The following ALDH6A1 variants were observed in gnomAD, a reference collection of about 807,000 sequenced individuals.
The protein encoded by ALDH6A1 is methylmalonate-semialdehyde/malonate-semialdehyde dehydrogenase [acylating], mitochondrial.
A neutral mutation model predicts 62.6 loss-of-function variants in ALDH6A1; 43 were observed. The ratio of observed to expected loss-of-function variants is 0.69; its 90% CI spans 0.54 to 0.89. The LOEUF (loss-of-function observed/expected upper bound fraction) is 0.89. Ranked by LOEUF, ALDH6A1 falls within the 40% of genes least tolerant of loss-of-function variation. The pLI, the probability that ALDH6A1 is intolerant of heterozygous loss-of-function variation, is 0.00. For synonymous variants in ALDH6A1, 194 were observed against 234.2 expected (o/e 0.83, Z 1.57); for missense variants, 551 against 661.3 (o/e 0.83, Z 1.83).
At position 74,057,395 on chromosome 14, in the gene ALDH6A1, G is replaced by A; in HGVS notation, c.*3247C>T. 6.5e-7 allele frequency: 1 copy of A among 1,537,336 alleles called. No individual in the cohort carries two copies. The highest frequency in any genetic ancestry group is 1.2e-5 in the South Asian group (1 of 83,310). ...GTGGAATGAGTAATAAATAGCATTA[G>A]TAGATTACATAAATTTTTAAAGCAA... On this transcript the variant is annotated 3_prime_UTR_variant, in exon 12 of 12. Transcript: ENST00000553458.
chr14:74,060,615 T>C lies in ALDH6A1; in HGVS notation c.*27A>G. On this transcript the variant is annotated 3_prime_UTR_variant, in exon 12 of 12. Transcript: ENST00000553458. Reference sequence around the variant, plus strand: ...AAAAATAAAGGGAGATTACTCAGGATGGAGTCAGTCTTAAACAAACTTGTT... The same window carrying C: ...AAAAATAAAGGGAGATTACTCAGGACGGAGTCAGTCTTAAACAAACTTGTT... 6.8e-7 allele frequency: 1 copy of C among 1,464,932 alleles called. No individual in the cohort carries two copies. Among genetic ancestry groups the C allele is most frequent in the Non-Finnish European group, 9.6e-7 (1 of 1,044,104 alleles). The allele number at this position is 1,464,932 out of a possible 1,614,324, so 90.7% of individuals were successfully genotyped here.
intron 1 of ALDH6A1, among the ~76,000 whole-genome samples, chr14:74,083,021 C>T (rs1345699008): frequency 6.6e-6 from 1 of 152,106 alleles, no homozygotes; most frequent in African/African-American, 2.4e-5. Context: ...ACTTTGTTTT[C>T]CTGCTACTAA....
chr14:74,075,087 ACTATAT>A, intron 1 of ALDH6A1, 70 bp from the exon 2 acceptor site: 1 of 1,380,226 alleles, frequency 7.2e-7, no homozygotes, highest in Non-Finnish European at 1.0e-6. Context: ...GCAAATAGCT[ACTATAT>A]GCTATTTGCT....
At chr14:74,074,288 ATTTTTT>A (rs35478388) in intron 2 of ALDH6A1, among the ~76,000 whole-genome samples, 3 of 130,184 alleles carry the variant, frequency 2.3e-5, no homozygotes, top group Non-Finnish European at 4.9e-5. Flanking sequence ...CTTTCACTAA[ATTTTTT>A]TTTTTTTTTT....
chr14:74,073,248 C>T (rs2060574272), intron 2 of ALDH6A1, among the ~76,000 whole-genome samples: 1 of 152,084 alleles, frequency 6.6e-6, no homozygotes, highest in African/African-American at 2.4e-5. Flanking sequence ...GGACTACAGG[C>T]ACATGCTACC....
chr14:74,070,666 C>A, intron 6 of ALDH6A1: 1 of 130,448 alleles, frequency 7.7e-6, no homozygotes, highest in Admixed American at 7.3e-5. Context: ...CACATCCTGG[C>A]TTTTTCTAGC....
chr14:74,063,660 A>G (rs1268929205), intron 11 of ALDH6A1, among the ~76,000 whole-genome samples: 1 of 151,094 alleles, frequency 6.6e-6, no homozygotes, highest in Non-Finnish European at 1.5e-5. Context: ...GAGGTCAGGA[A>G]TTCGAGACCA....
intron 4 of ALDH6A1, 61 bp from the exon 5 acceptor site, chr14:74,072,035 G>A: frequency 6.3e-7 from 1 of 1,586,914 alleles, no homozygotes; most frequent in Middle Eastern, 1.7e-4. Flanking sequence ...AAATTCTGAG[G>A]TAGCAAAGGA....
Position 74,071,913 on chromosome 14 carries a change from T to G in ALDH6A1, c.410A>C (p.Asp137Ala), listed in dbSNP as rs761301246. ...QGKTLADAEG[D>A]VFRGLQVVEH... ...CAGCTTACGAAGGCCTCGAAATACA[T>G]CTCCTTCAGCATCAGCTAGGGTCTT... The change falls in exon 5 of 12, where the codon GAT becomes GCT. Residue 137 changes from aspartate to alanine, a missense_variant. Transcript: ENST00000553458. 12 of 1,614,168 alleles carry G rather than the reference T, an allele frequency of 7.4e-6. No individual in the cohort carries two copies. Among genetic ancestry groups the G allele is most frequent in the Middle Eastern group, 1.6e-4 (1 of 6,062 alleles).
intron 6 of ALDH6A1, among the ~76,000 whole-genome samples, chr14:74,069,845 C>T (rs2060524537): frequency 1.4e-5 from 2 of 146,176 alleles, no homozygotes. Context: ...TACTTCTAAT[C>T]TAACCTTTTT....
Position 74,060,696 on chromosome 14 carries a change from T to C in ALDH6A1, c.1554A>G (p.Glu518=). ...QLKTITSQWK[E]EDATLSSPAV... is the part of the protein sequence containing the mutation. ...CAGGTGAGGAAAGAGTAGCATCTTCTTCTTTCCACTGAGAAGTAATGGTCT... is the reference window on the plus strand; with the variant it reads ...CAGGTGAGGAAAGAGTAGCATCTTCCTCTTTCCACTGAGAAGTAATGGTCT... Residue 518 remains glutamate, a synonymous_variant, in exon 12 of 12, where the codon GAA becomes GAG. Coordinates refer to ENST00000553458, the MANE Select transcript of ALDH6A1 (RefSeq NM_005589.4). 1 of 1,614,044 alleles carries C rather than the reference T, an allele frequency of 6.2e-7. No homozygotes were observed. The highest frequency in any genetic ancestry group is 8.5e-7 in the Non-Finnish European group (1 of 1,179,904).
chr14:74,077,788 G>A (rs528684860), intron 1 of ALDH6A1, among the ~76,000 whole-genome samples: 18 of 152,212 alleles, frequency 1.2e-4, no homozygotes, highest in African/African-American at 4.1e-4. Flanking sequence ...CAGCACCTGG[G>A]TACTTATCTG....
chr14:74,081,380 T>G (rs1246541765), intron 1 of ALDH6A1: 2 of 152,216 alleles, frequency 1.3e-5, no homozygotes, highest in African/African-American at 4.8e-5. Context: ...AATGCACTGA[T>G]CAGCCAACTT....
At position 74,066,713 on chromosome 14, in the gene ALDH6A1, T is replaced by C. The variant is rs1305971217; in HGVS notation, c.1216A>G (p.Asn406Asp). 1 of 1,614,134 alleles carries C rather than the reference T, an allele frequency of 6.2e-7. No homozygotes were observed. The highest frequency in any genetic ancestry group is 8.5e-7 in the Non-Finnish European group (1 of 1,179,992). ...AAGTGAAAGTTGTTCACCTTGACAT[T>C]CGAGATGATGGTTGGTCCAACAAAG... ...GNFVGPTIIS[N>D]VKPNMTCYKE... Residue 406 changes from asparagine to aspartate, a missense_variant, in exon 9 of 12, where the codon AAT (asparagine) becomes GAT (aspartate). By Grantham distance (23) the Asn-to-Asp change is conservative. Coordinates refer to ENST00000553458, the MANE Select transcript of ALDH6A1 (RefSeq NM_005589.4).
At chr14:74,062,520 G>A in intron 11 of ALDH6A1, among the ~76,000 whole-genome samples, 1 of 151,992 alleles carries the variant, frequency 6.6e-6, no homozygotes, top group Non-Finnish European at 1.5e-5. Flanking sequence ...AGAATTGCTT[G>A]AACCCTGGAG....
chr14:74,077,530 C>T (rs1178696614), intron 1 of ALDH6A1, among the ~76,000 whole-genome samples: 1 of 152,118 alleles, frequency 6.6e-6, no homozygotes, highest in Middle Eastern at 3.2e-3. Context: ...GGGAAGCAGA[C>T]CTGTGTGAAG....
intron 5 of ALDH6A1, 85 bp downstream of exon 5, chr14:74,071,811 A>G: frequency 6.6e-7 from 1 of 1,526,600 alleles, no homozygotes; most frequent in South Asian, 1.1e-5. Flanking sequence ...TATGTAAAGG[A>G]AGAAGCAACC....
At chr14:74,072,007 C>G in intron 4 of ALDH6A1, 33 bp from the exon 5 acceptor site, 2 of 1,603,008 alleles carry the variant, frequency 1.2e-6, no homozygotes, top group Non-Finnish European at 1.7e-6. Context: ...GAAATTAATG[C>G]AAGAATGTTC....
intron 4 of ALDH6A1, 91 bp from the exon 5 acceptor site, chr14:74,072,065 T>C (rs4646860): frequency 2.6e-6 from 4 of 1,563,052 alleles, no homozygotes; most frequent in Non-Finnish European, 3.5e-6. Flanking sequence ...CTGGAGGAGA[T>C]GCAGTACAAG....
Sources: gnomAD v4.1 joint callset for allele counts (sites outside exome capture counted in the v4.1 genomes callset) on GRCh38, gnomAD v4.1.1 for gene constraint, MANE v1.5 for transcripts, NCBI Gene and HGNC (gene_info 2026-07-23, HGNC 2026-07-21) for gene names.